ZNF808: variants seen among roughly 807,000 people sequenced by gnomAD.
ZNF808 encodes the protein zinc finger protein 808.
Under a neutral mutation model 8.7 loss-of-function variants are expected in ZNF808, and 5 were observed. That is an observed-to-expected ratio of 0.58 (90% CI 0.30 to 1.21). The LOEUF is 1.21. Ranked by LOEUF, ZNF808 falls within the 50% of genes most tolerant of loss-of-function variation. The probability of loss-of-function intolerance (pLI) is 0.07; values close to 1 mark genes in which losing one functional copy is unlikely to be tolerated. For synonymous variants in ZNF808, 380 were observed against 366.0 expected, an observed-to-expected ratio of 1.04 and a Z score of -0.44; for missense variants, 1,103 against 1,098.4, an observed-to-expected ratio of 1.00 and a Z score of -0.06.
intron 2 of ZNF808, among the ~76,000 whole-genome samples, chr19:52,533,483 TC>T (rs942003920): frequency 6.6e-6 from 1 of 151,876 alleles, no homozygotes; most frequent in Admixed American, 6.6e-5. Flanking sequence ...GCCTTGGCCT[TC>T]CAAAGTACTG....
At chr19:52,534,782 G>A (rs968467939) in intron 2 of ZNF808, among the ~76,000 whole-genome samples, 7 of 151,962 alleles carry the variant, frequency 4.6e-5, no homozygotes, top group Non-Finnish European at 2.9e-5. Flanking sequence ...CCAGCTACTC[G>A]AAAGGCTGAG....
chr19:52,568,568 G>T (rs540708334), downstream of ZNF808, among the ~76,000 whole-genome samples: 1 of 152,186 alleles, frequency 6.6e-6, no homozygotes, highest in African/African-American at 2.4e-5. Flanking sequence ...TCAAGCTGCC[G>T]CAGCCTATGC....
At chr19:52,564,958 G>C (rs1201605351), downstream of ZNF808, among the ~76,000 whole-genome samples, 1 of 151,984 alleles carries the variant, frequency 6.6e-6, no homozygotes, top group Non-Finnish European at 1.5e-5. Context: ...CTGTGGCAGG[G>C]GCCTATAGTC....
intron 2 of ZNF808, among the ~76,000 whole-genome samples, chr19:52,542,282 A>G (rs879131279): frequency 5.9e-5 from 9 of 152,000 alleles, no homozygotes; most frequent in African/African-American, 1.9e-4. Context: ...AATGTTTGAA[A>G]ACCATGTCCC....
chr19:52,529,127 A>AG (rs2059538307), intron 1 of ZNF808, among the ~76,000 whole-genome samples: 1 of 151,974 alleles, frequency 6.6e-6, no homozygotes, highest in Non-Finnish European at 1.5e-5. Flanking sequence ...TGTAGTCTCC[A>AG]CACTTTAGGA....
At chr19:52,567,483 T>C (rs1324148228), downstream of ZNF808, among the ~76,000 whole-genome samples, 7 of 130,844 alleles carry the variant, frequency 5.3e-5, no homozygotes, top group East Asian at 1.5e-3. Context: ...TCCAGCTGTA[T>C]TTTTTATTAT....
In ZNF808 at chr19:52,555,124, G is replaced by A. The variant is rs377054237; in HGVS notation, c.2208G>A (p.Lys736=). ...TTCATAGTGGTGAGAAACCTTACAAGTGTAGTGAGTGCAGCAAGACGTTCA... is the reference window on the plus strand; with the variant it reads ...TTCATAGTGGTGAGAAACCTTACAAATGTAGTGAGTGCAGCAAGACGTTCA... The part of the protein sequence containing the change: ...RRIHSGEKPY[K]CSECSKTFSQ... The change falls in exon 5 of 5, where the codon AAG becomes AAA. Residue 736 remains lysine, a synonymous_variant. Coordinates refer to ENST00000359798, the MANE Select transcript of ZNF808 (RefSeq NM_001039886.4). 16 of 1,613,976 alleles carry A rather than the reference G, an allele frequency of 9.9e-6. No individual in the cohort carries two copies. In the Admixed American group the frequency reaches 2.5e-4, roughly 25 times the overall value.
At chr19:52,533,388 G>C (rs77796509) in intron 2 of ZNF808, among the ~76,000 whole-genome samples, 1 of 151,860 alleles carries the variant, frequency 6.6e-6, no homozygotes, top group African/African-American at 2.4e-5. Context: ...TATAATGCCT[G>C]GCTAATTTTT....
intron 2 of ZNF808, among the ~76,000 whole-genome samples, chr19:52,541,733 A>C (rs544828152): frequency 6.6e-6 from 1 of 151,968 alleles, no homozygotes; most frequent in South Asian, 2.1e-4. Context: ...ATTAGACTCA[A>C]ATCACCTTGA....
chr19:52,528,229 C>T (rs1397449538), intron 1 of ZNF808, among the ~76,000 whole-genome samples: 1 of 152,164 alleles, frequency 6.6e-6, no homozygotes, highest in Non-Finnish European at 1.5e-5. Flanking sequence ...CCGCAGTCAC[C>T]GCTTCCATTG....
In ZNF808 at chr19:52,555,624, A is replaced by T. The variant is rs770840364; in HGVS notation, c.2708A>T (p.Asp903Val). The T allele has an allele frequency of 5.0e-6, 8 of 1,593,828 alleles. No homozygotes were observed. The East Asian group carries it at 1.8e-4, about 36-fold the overall frequency. The change falls in exon 5 of 5, where the codon GAT (aspartate) becomes GTT (valine). Residue 903 changes from aspartate (D) to valine (V), a missense_variant. Physicochemically the swap from Asp to Val is radical, Grantham distance 152 (BLOSUM62 -3). Transcript: ENST00000359798. Reference protein sequence around the residue: ...HQAIHGIGKFD With the variant: ...HQAIHGIGKFV Reference sequence around the variant, plus strand: ...GCAATTCATGGTATAGGGAAATTTGATTAATATAATGATTGTCACAAAGTC... The same window carrying T: ...GCAATTCATGGTATAGGGAAATTTGTTTAATATAATGATTGTCACAAAGTC...
At chr19:52,529,397 G>A (rs1730880648) in intron 1 of ZNF808, among the ~76,000 whole-genome samples, 1 of 152,134 alleles carries the variant, frequency 6.6e-6, no homozygotes, top group Non-Finnish European at 1.5e-5. Flanking sequence ...AAAAAATGGG[G>A]CGAGAGACTG....
At chr19:52,533,843 C>CAAAAAAA (rs919374020) in intron 2 of ZNF808, among the ~76,000 whole-genome samples, 7 of 30,772 alleles carry the variant, frequency 2.3e-4, no homozygotes, top group South Asian at 1.6e-3. Flanking sequence ...ACTCCGTCTC[C>CAAAAAAA]AAAAAAAAAA....
At chr19:52,566,312 T>G (rs533278471), downstream of ZNF808, among the ~76,000 whole-genome samples, 3 of 152,110 alleles carry the variant, frequency 2.0e-5, no homozygotes, top group South Asian at 6.2e-4. Context: ...ATTACAGGCA[T>G]GCATCACCAT....
intron 3 of ZNF808, among the ~76,000 whole-genome samples, chr19:52,546,713 G>A (rs1444501776): frequency 3.5e-5 from 5 of 141,748 alleles, no homozygotes; most frequent in East Asian, 4.2e-4. Flanking sequence ...GTGCGATCTC[G>A]GCTCACTGCA....
downstream of ZNF808, among the ~76,000 whole-genome samples, chr19:52,565,491 A>T (rs1365091173): frequency 2.0e-5 from 3 of 152,068 alleles, no homozygotes; most frequent in South Asian, 6.2e-4. Flanking sequence ...CAAGATCTCC[A>T]CCCCAAAATA....
intron 2 of ZNF808, among the ~76,000 whole-genome samples, chr19:52,536,823 C>T (rs1297916264): frequency 1.3e-5 from 2 of 151,904 alleles, no homozygotes; most frequent in Admixed American, 1.3e-4. Context: ...GCAGAGGAGA[C>T]GCAGAGATAA....
At chr19:52,551,885 C>T (rs182346906) in intron 4 of ZNF808, among the ~76,000 whole-genome samples, 12 of 152,068 alleles carry the variant, frequency 7.9e-5, no homozygotes, top group African/African-American at 2.9e-4. Flanking sequence ...TGCCTGTAAT[C>T]CCAGGTACTC....
downstream of ZNF808, among the ~76,000 whole-genome samples, chr19:52,564,879 G>C (rs1326910969): frequency 6.6e-6 from 1 of 152,094 alleles, no homozygotes; most frequent in Non-Finnish European, 1.5e-5. Flanking sequence ...GAGGTCGGGA[G>C]ATTGAGACCA....
Sources: allele counts gnomAD v4.1 joint callset (sites outside exome capture counted in the v4.1 genomes callset), GRCh38; gene constraint gnomAD v4.1.1; transcripts MANE v1.5; gene names NCBI Gene and HGNC (gene_info 2026-07-23, HGNC 2026-07-21).